CCNO: variants seen among roughly 807,000 people sequenced by gnomAD.
CCNO encodes the protein cyclin-O.
Under a neutral mutation model 23.9 loss-of-function variants are expected in CCNO, and 24 were observed. The ratio of observed to expected loss-of-function variants is 1.00; its 90% CI spans 0.73 to 1.41. The LOEUF (loss-of-function observed/expected upper bound fraction) is 1.41, where lower values mean the gene tolerates loss of function less well. CCNO is among the 40% of genes most tolerant of loss of function. The pLI, the probability that CCNO is intolerant of heterozygous loss-of-function variation, is 0.00. For synonymous variants in CCNO, 241 were observed against 225.7 expected, an observed-to-expected ratio of 1.07 and a Z score of -0.61; for missense variants, 542 against 476.2, an observed-to-expected ratio of 1.14 and a Z score of -1.29.
At position 55,233,144 on chromosome 5, in the gene CCNO, T is replaced by G. The variant is rs1351588616; in HGVS notation, c.380A>C (p.Gln127Pro). 1 of 1,541,408 alleles carries G rather than the reference T, an allele frequency of 6.5e-7. No individual in the cohort carries two copies. The highest frequency in any genetic ancestry group is 2.0e-5 in the Admixed American group (1 of 50,856). Residue 127 changes from glutamine to proline, a missense_variant and splice_region_variant, in exon 1 of 3, where the codon CAA (glutamine) becomes CCA (proline). Gln to Pro is a moderately conservative substitution (Grantham distance 76, BLOSUM62 -1). Coordinates refer to ENST00000282572, the MANE Select transcript of CCNO (RefSeq NM_021147.5). ...GAGCTGGCTCTACCAGCACCTCACT[T>G]GTGGCTGCCGTGCCAGCGCCTCCCG... Reference protein sequence around the residue: ...HPREALARQPQVTAESRCKLL... With the variant: ...HPREALARQPPVTAESRCKLL...
In CCNO at chr5:55,231,908, C is replaced by T. The variant is rs377376953; in HGVS notation, c.568-48G>A. On this transcript the variant is annotated intron_variant, in intron 2 of 2. Transcript: ENST00000282572. The stretch of plus-strand genomic sequence containing the variant: ...CCCCGCTTTGCGGCTTCCCGGGCCC[C>T]AGGCCCACCCCAGTATGACGCCCGG... The T allele has an allele frequency of 5.1e-5, 75 of 1,484,522 alleles. No homozygotes were observed. The African/African-American group carries it at 9.4e-4, about 19-fold the overall frequency. 92.0% of individuals were successfully genotyped at this position (1,484,522 alleles called of 1,614,324 possible). A position where few individuals can be genotyped will look rare whatever the true frequency, so the allele number is the denominator to read the frequency against.
Position 55,231,611 on chromosome 5 carries a change from A to G in CCNO, c.817T>C (p.Tyr273His). 6.2e-7 allele frequency: 1 copy of G among 1,611,916 alleles called. No individual in the cohort carries two copies. The highest frequency in any genetic ancestry group is 8.5e-7 in the Non-Finnish European group (1 of 1,179,392). The change falls in exon 3 of 3, where the codon TAT becomes CAT. Residue 273 changes from tyrosine to histidine, a missense_variant. Physicochemically the swap from Tyr to His is moderately conservative, Grantham distance 83. Transcript: ENST00000282572. The part of the protein sequence containing the change: ...RGVAELSLAD[Y>H]AFTSYSPSLL... ...GAAGGGGAGTAGCTGGTGAAGGCAT[A>G]GTCGGCCAGACTCAGCTCTGCCACC...
chr5:55,232,301 G>T, intron 2 of CCNO, 60 bp downstream of exon 2: 4 of 1,405,930 alleles, frequency 2.8e-6, no homozygotes, highest in Non-Finnish European at 2.9e-6. Context: ...GCCAGGGAGT[G>T]GCGGGGGAGT....
chr5:55,231,591 G>T lies in CCNO; in HGVS notation c.837C>A (p.Ser279=), dbSNP rs569924543. 90 of 1,613,282 alleles carry T rather than the reference G, an allele frequency of 5.6e-5. No homozygotes were observed. The South Asian group carries it at 9.8e-4, about 18-fold the overall frequency. The part of the protein sequence containing the change: ...SLADYAFTSY[S]PSLLAICCLA... ...GGCAGCAGATCGCCAGGAGGGAAGGGGAGTAGCTGGTGAAGGCATAGTCGG... is the reference window on the plus strand; with the variant it reads ...GGCAGCAGATCGCCAGGAGGGAAGGTGAGTAGCTGGTGAAGGCATAGTCGG... The change falls in exon 3 of 3, where the codon TCC becomes TCA. Residue 279 remains serine (S), a synonymous_variant. Coordinates refer to ENST00000282572, the MANE Select transcript of CCNO (RefSeq NM_021147.5).
At chr5:55,233,003 C>A (rs1386419491) in intron 1 of CCNO, 140 bp downstream of exon 1, 7 of 855,898 alleles carry the variant, frequency 8.2e-6, no homozygotes, top group Admixed American at 3.0e-5. Context: ...CGCCCCTCCA[C>A]GGCCCCTTGT....
In CCNO at chr5:55,231,285, C is replaced by A. The variant is rs1167714945; in HGVS notation, c.*90G>T. 2.7e-6 allele frequency: 4 copies of A among 1,476,950 alleles called. No homozygotes were observed. Among genetic ancestry groups the A allele is most frequent in the Non-Finnish European group, 3.7e-6 (4 of 1,078,690 alleles). 91.5% of individuals were successfully genotyped at this position (1,476,950 alleles called of 1,614,324 possible). On this transcript the variant is annotated 3_prime_UTR_variant, in exon 3 of 3. Coordinates refer to ENST00000282572, the MANE Select transcript of CCNO (RefSeq NM_021147.5). ...CAGCTGACCAAGCAGGTCCTGAAGC[C>A]TTCTCTGTGGACCAGTACTGCACTC... is the stretch of plus-strand genomic sequence containing the variant.
intron 1 of CCNO, chr5:55,232,821 T>C (rs1384556863): frequency 6.8e-6 from 4 of 588,614 alleles, no homozygotes; most frequent in East Asian, 2.8e-5. Context: ...ATTTTGCAGA[T>C]GAAGAAAGAA....
At position 55,233,283 on chromosome 5, in the gene CCNO, TACC is replaced by T. The variant is rs778453227; in HGVS notation, c.238_240del (p.Gly80del). 6 of 1,590,774 alleles carry T rather than the reference TACC, an allele frequency of 3.8e-6. No homozygotes were observed. The East Asian group carries it at 1.4e-4, about 36-fold the overall frequency. ...GGCTGGGCCGGGCCGGGCAGGGGGC[TACC>T]ACCCCGCGCCGCAGAGGGGCTCTCT... On this transcript the variant is annotated inframe_deletion, in exon 1 of 3. Transcript: ENST00000282572.
At chr5:55,233,066 C>T (rs576377543) in intron 1 of CCNO, 77 bp downstream of exon 1, 6 of 1,457,118 alleles carry the variant, frequency 4.1e-6, no homozygotes, top group East Asian at 2.5e-5. Flanking sequence ...GCTCGGAGGG[C>T]CGAGCCGGCA....
Position 55,233,245 on chromosome 5 carries a change from T to C in CCNO, c.279A>G (p.Leu93=). ...CGTAGTCGCGGAAGGTCTGTAGATC[T>C]AGCTGCGCCACGGGCTGGGCCGGGC... ...LPGPAQPVAQ[L]DLQTFRDYGQ... The change falls in exon 1 of 3, where the codon CTA becomes CTG. Residue 93 remains leucine, a synonymous_variant. Transcript: ENST00000282572. The C allele has an allele frequency of 6.3e-7, 1 of 1,584,206 alleles. No individual in the cohort carries two copies. The highest frequency in any genetic ancestry group is 8.6e-7 in the Non-Finnish European group (1 of 1,167,514).
At position 55,232,350 on chromosome 5, in the gene CCNO, A is replaced by AC; in HGVS notation, c.567+10dup. 6.2e-7 allele frequency: 1 copy of AC among 1,610,880 alleles called. No individual in the cohort carries two copies. The highest frequency in any genetic ancestry group is 8.5e-7 in the Non-Finnish European group (1 of 1,178,060). On this transcript the variant is annotated intron_variant, in intron 2 of 2. Coordinates refer to ENST00000282572, the MANE Select transcript of CCNO (RefSeq NM_021147.5). Reference sequence around the variant, plus strand: ...CAGATGCCGCGTGTACCTGTTTGATACCCCAGGTACCTGTTTGCAAGCGAT... The same window carrying AC: ...CAGATGCCGCGTGTACCTGTTTGATACCCCCAGGTACCTGTTTGCAAGCGAT...
rs1745658012 is a variant in CCNO at position 55,233,351 on chromosome 5, C to T, written c.173G>A (p.Cys58Tyr). 6 of 1,608,890 alleles carry T rather than the reference C, an allele frequency of 3.7e-6. No homozygotes were observed. Among genetic ancestry groups the T allele is most frequent in the Non-Finnish European group, 5.1e-6 (6 of 1,178,592 alleles). ...PCPLPGDSGI[C>Y]DLFESPSSGS... ...GGAGCTGGGGGACTCGAACAGGTCG[C>T]AAATGCCGGAGTCTCCCGGGAGCGG... Residue 58 changes from cysteine (C) to tyrosine (Y), a missense_variant, in exon 1 of 3, where the codon TGC becomes TAC. Transcript: ENST00000282572.
intron 1 of CCNO, 106 bp downstream of exon 1, chr5:55,233,037 G>A (rs1176407605): frequency 2.5e-6 from 3 of 1,213,536 alleles, no homozygotes; most frequent in East Asian, 5.2e-5. Flanking sequence ...GCGGGACCTG[G>A]GCTGTCGCGG....
rs143559138 is a variant in CCNO at position 55,232,441 on chromosome 5, G to C, written c.487C>G (p.Arg163Gly). The C allele has an allele frequency of 6.2e-6, 10 of 1,613,896 alleles. No homozygotes were observed. The highest frequency in any genetic ancestry group is 2.7e-5 in the African/African-American group (2 of 74,930). The change falls in exon 2 of 3, where the codon CGC becomes GGC. Residue 163 changes from arginine to glycine, a missense_variant. Physicochemically the swap from Arg to Gly is moderately radical, Grantham distance 125 (BLOSUM62 -2). Coordinates refer to ENST00000282572, the MANE Select transcript of CCNO (RefSeq NM_021147.5). ...SLCLTVNTLD[R>G]FLTTTPVAAD... ...GCCACCGGCGTGGTGGTGAGGAAGC[G>C]GTCCAGAGTGTTCACCGTCAGGCAC...
chr5:55,233,051 C>T, intron 1 of CCNO, 92 bp downstream of exon 1: 1 of 1,380,604 alleles, frequency 7.2e-7, no homozygotes. Context: ...GTCGCGGGCC[C>T]GGGCGCTCGG....
chr5:55,233,466 C>T lies in CCNO; in HGVS notation c.58G>A (p.Asp20Asn), dbSNP rs1329819623. Residue 20 changes from aspartate to asparagine, a missense_variant, in exon 1 of 3, where the codon GAC (aspartate) becomes AAC (asparagine). Transcript: ENST00000282572. ...GGGGCGCGAAGGTTCTGGTCGTTGT[C>T]CCGCCTCCCCGCTCGGGCGGCGGGG... is the stretch of plus-strand genomic sequence containing the variant. ...SSPAARAGRR[D>N]NDQNLRAPVK... 2 of 1,600,996 alleles carry T rather than the reference C, an allele frequency of 1.2e-6. No individual in the cohort carries two copies. Among genetic ancestry groups the T allele is most frequent in the African/African-American group, 1.3e-5 (1 of 74,666 alleles).
Position 55,232,482 on chromosome 5 carries a change from A to G in CCNO, c.446T>C (p.Leu149Pro). ...WLIPVHRQFGLSFESLCLTVN... is the reference protein window; with the variant it reads ...WLIPVHRQFGPSFESLCLTVN... ...CGTCAGGCACAGCGACTCGAAGGAGAGGCCGAATTGGCGGTGCACCGGGAT... is the reference window on the plus strand; with the variant it reads ...CGTCAGGCACAGCGACTCGAAGGAGGGGCCGAATTGGCGGTGCACCGGGAT... Residue 149 changes from leucine (L) to proline (P), a missense_variant, in exon 2 of 3, where the codon CTC becomes CCC. Coordinates refer to ENST00000282572, the MANE Select transcript of CCNO (RefSeq NM_021147.5). 2 of 1,613,882 alleles carry G rather than the reference A, an allele frequency of 1.2e-6. No individual in the cohort carries two copies. Among genetic ancestry groups the G allele is most frequent in the Non-Finnish European group, 1.7e-6 (2 of 1,180,024 alleles).
Position 55,231,644 on chromosome 5 carries a change from C to CAG in CCNO, c.783_784insCT (p.Ala262LeufsTer8), listed in dbSNP as rs1745581188. 1.3e-6 allele frequency: 2 copies of CAG among 1,590,966 alleles called. No homozygotes were observed. Among genetic ancestry groups the CAG allele is most frequent in the Non-Finnish European group, 1.7e-6 (2 of 1,169,246 alleles). ...AGACTCAGCTCTGCCACCCCCCGCG[C>CAG]CAGGGCTTGCGCTTCCAGAGCTTCG... On this transcript the variant is annotated frameshift_variant, in exon 3 of 3. Transcript: ENST00000282572. LOFTEE classifies it high-confidence loss of function.
At chr5:55,232,616 G>A (rs1745624810) in intron 1 of CCNO, 70 bp from the exon 2 acceptor site, 2 of 1,457,628 alleles carry the variant, frequency 1.4e-6, no homozygotes, top group Admixed American at 1.7e-5. Flanking sequence ...AGGGAAGGAA[G>A]GGCCAAGAAG....
Sources: allele counts gnomAD v4.1 joint callset, GRCh38; gene constraint gnomAD v4.1.1; transcripts MANE v1.5; gene names NCBI Gene and HGNC (gene_info 2026-07-23, HGNC 2026-07-21).